The following BRAT1 variants were observed in gnomAD, a reference collection of about 807,000 sequenced individuals.
BRAT1 encodes the protein integrator complex assembly factor BRAT1.
Under a neutral mutation model 70.6 loss-of-function variants are expected in BRAT1, and 74 were observed. The ratio of observed to expected loss-of-function variants is 1.05; its 90% CI spans 0.87 to 1.27. BRAT1 has a LOEUF of 1.27. BRAT1 is among the 50% of genes most tolerant of loss of function. BRAT1 has a pLI of 0.00. For synonymous variants in BRAT1, 615 were observed against 517.1 expected (o/e 1.19, Z -2.57); for missense variants, 1,203 against 1,098.2 (o/e 1.10, Z -1.35).
Position 2,540,216 on chromosome 7 carries a change from T to A in BRAT1, c.1396-328A>T, listed in dbSNP as rs150832524. 2.9e-4 allele frequency: 83 copies of A among 281,376 alleles called. 1 individual carries two copies. The highest frequency in any genetic ancestry group is 1.6e-3 in the African/African-American group (73 of 45,634). 17.4% of individuals were successfully genotyped at this position (281,376 alleles called of 1,614,324 possible). Reference sequence around the variant, plus strand: ...GCAGTCAAATGCTCTACCCCTGAGCTATACTCCTGGGGCTAATTTTTCTAT... The same window carrying A: ...GCAGTCAAATGCTCTACCCCTGAGCAATACTCCTGGGGCTAATTTTTCTAT... On this transcript the variant is annotated intron_variant, in intron 10 of 13. Coordinates refer to ENST00000340611, the MANE Select transcript of BRAT1 (RefSeq NM_152743.4).
Position 2,538,826 on chromosome 7 carries a change from AG to A in BRAT1, c.1771-63del, listed in dbSNP as rs1300627453. ...GTGGCAGGAGCGAGGCTCCCGCAAC[AG>A]GACTCCGGTACATGATGGGGGCTGG... On this transcript the variant is annotated intron_variant, in intron 13 of 13. Coordinates refer to ENST00000340611, the MANE Select transcript of BRAT1 (RefSeq NM_152743.4). 4 of 1,580,650 alleles carry A rather than the reference AG, an allele frequency of 2.5e-6. No homozygotes were observed. In the African/African-American group the frequency reaches 4.0e-5, roughly 16 times the overall value.
chr7:2,538,137 G>A lies in BRAT1; in HGVS notation c.2398C>T (p.Gln800Ter), dbSNP rs1440319524. 6.2e-7 allele frequency: 1 copy of A among 1,606,928 alleles called. No homozygotes were observed. The highest frequency in any genetic ancestry group is 2.2e-5 in the East Asian group (1 of 44,672). The change falls in exon 14 of 14, where the codon CAG becomes TAG. Residue 800 changes from glutamine (Q) to a stop codon, truncating the protein, a stop_gained. Coordinates refer to ENST00000340611, the MANE Select transcript of BRAT1 (RefSeq NM_152743.4). LOFTEE classifies it high-confidence loss of function. ...GCCAGCATGTCCTGCAGGAGGGACT[G>A]GGGACTCTTTTCCACGTGGTCGCTG... is the stretch of plus-strand genomic sequence containing the variant. ...ESSDHVEKSPQSLLQDMLATG... is the reference protein window; with the variant it reads ...ESSDHVEKSP
In BRAT1 at chr7:2,540,968, C is replaced by A; in HGVS notation, c.1395+11G>T. Reference sequence around the variant, plus strand: ...CCCTCCTCTCCTCGCTCTCTATCCCCACCACCGTACCGTGGGGCTGGAGCC... The same window carrying A: ...CCCTCCTCTCCTCGCTCTCTATCCCAACCACCGTACCGTGGGGCTGGAGCC... On this transcript the variant is annotated intron_variant, in intron 10 of 13. Coordinates refer to ENST00000340611, the MANE Select transcript of BRAT1 (RefSeq NM_152743.4). 6.5e-7 allele frequency: 1 copy of A among 1,534,848 alleles called. No homozygotes were observed. The highest frequency in any genetic ancestry group is 8.7e-7 in the Non-Finnish European group (1 of 1,152,202).
intron 4 of BRAT1, 140 bp downstream of exon 4, chr7:2,544,769 A>G (rs1779472919): frequency 7.6e-7 from 1 of 1,317,976 alleles, no homozygotes. Context: ...AACACTGGAC[A>G]GCCGTACTGT....
At position 2,539,325 on chromosome 7, in the gene BRAT1, A is replaced by G. The variant is rs1778957852; in HGVS notation, c.1624T>C (p.Leu542=). 1.2e-6 allele frequency: 2 copies of G among 1,611,406 alleles called. No homozygotes were observed. The highest frequency in any genetic ancestry group is 4.5e-5 in the East Asian group (2 of 44,852). The change falls in exon 13 of 14, where the codon TTG becomes CTG. Residue 542 remains leucine (L), a synonymous_variant. Coordinates refer to ENST00000340611, the MANE Select transcript of BRAT1 (RefSeq NM_152743.4). ...GGQADFRCAL[L]ASEVPQLALQ... ...GCCAGCTGAGGCACCTCTGAAGCCA[A>G]GAGTGCGCATCTGAAGTCAGCCTGT...
rs370935312 is a variant in BRAT1 at position 2,539,269 on chromosome 7, A to G, written c.1680T>C (p.Tyr560=). The G allele has an allele frequency of 2.7e-5, 43 of 1,611,870 alleles. No homozygotes were observed. The highest frequency in any genetic ancestry group is 1.7e-4 in the African/African-American group (13 of 74,896). ...ALQLLQDPES[Y]VRASAVTAMG... is the part of the protein sequence containing the mutation. ...TGGCGGTCACTGCACTCGCTCGGACATAACTCTCAGGGTCCTGGAGGAGCT... is the reference window on the plus strand; with the variant it reads ...TGGCGGTCACTGCACTCGCTCGGACGTAACTCTCAGGGTCCTGGAGGAGCT... Residue 560 remains tyrosine, a synonymous_variant, in exon 13 of 14, where the codon TAT becomes TAC. Transcript: ENST00000340611.
In BRAT1 at chr7:2,541,707, G is replaced by A. The variant is rs765067714; in HGVS notation, c.1134+11C>T. ...TGCTGCTGGGCTGCATGAGGACCGG[G>A]CCGCACCTACCAGCGGCTGCAGCTC... On this transcript the variant is annotated intron_variant, in intron 8 of 13. Coordinates refer to ENST00000340611, the MANE Select transcript of BRAT1 (RefSeq NM_152743.4). 3 of 1,601,388 alleles carry A rather than the reference G, an allele frequency of 1.9e-6. No homozygotes were observed. Among genetic ancestry groups the A allele is most frequent in the Non-Finnish European group, 2.6e-6 (3 of 1,175,642 alleles).
At position 2,543,484 on chromosome 7, in the gene BRAT1, G is replaced by A. The variant is rs564472736; in HGVS notation, c.803+106C>T. 3.0e-5 allele frequency: 45 copies of A among 1,482,518 alleles called. 1 individual carries two copies. The Middle Eastern group carries it at 7.2e-4, about 24-fold the overall frequency. The allele number at this position is 1,482,518 out of a possible 1,614,324, so 91.8% of individuals were successfully genotyped here. A position where few individuals can be genotyped will look rare whatever the true frequency, so the allele number is the denominator to read the frequency against. On this transcript the variant is annotated intron_variant, in intron 5 of 13. Transcript: ENST00000340611. This position sits in a 1 kb window ranked among gnomAD's most constrained non-coding sequence, Gnocchi z 5.5. ...TCACCCCGGTGCCGCTTCACTGCAG[G>A]CCATGTCCTCAGAGAGTCTCCGGCT...
intron 2 of BRAT1, among the ~76,000 whole-genome samples, chr7:2,551,554 G>A (rs1171293309): frequency 6.6e-6 from 1 of 151,098 alleles, no homozygotes; most frequent in Non-Finnish European, 1.5e-5. Context: ...GCTGGGCCTG[G>A]TACACACCTT....
chr7:2,550,531 G>GAA (rs11297774), intron 2 of BRAT1, among the ~76,000 whole-genome samples: 7 of 100,800 alleles, frequency 6.9e-5, no homozygotes, highest in African/African-American at 1.4e-4. Flanking sequence ...TATGTAAAGC[G>GAA]AAAAAAAAAA....
Position 2,538,195 on chromosome 7 carries a change from G to C in BRAT1, c.2340C>G (p.Asp780Glu), listed in dbSNP as rs201045158. The C allele has an allele frequency of 2.6e-4, 415 of 1,610,022 alleles. No homozygotes were observed. The highest frequency in any genetic ancestry group is 2.6e-4 in the Non-Finnish European group (302 of 1,178,302). ...CCAGCGTGCTCCGCAGGCCCTCCAG[G>C]TCTAGGGACCTGAGCATGGCCAGCA... ...EAVLAMLRSL[D>E]LEGLRSTLAE... The change falls in exon 14 of 14, where the codon GAC becomes GAG. Residue 780 changes from aspartate to glutamate, a missense_variant. By Grantham distance (45) the Asp-to-Glu change is conservative (BLOSUM62 2). Coordinates refer to ENST00000340611, the MANE Select transcript of BRAT1 (RefSeq NM_152743.4).
rs1482527048 is a variant in BRAT1 at position 2,543,111 on chromosome 7, G to C, written c.923+93C>G. The C allele has an allele frequency of 9.1e-6, 13 of 1,434,506 alleles. No homozygotes were observed. In the South Asian group the frequency reaches 1.4e-4, roughly 15 times the overall value. The allele number at this position is 1,434,506 out of a possible 1,614,324, so 88.9% of individuals were successfully genotyped here. On this transcript the variant is annotated intron_variant, in intron 6 of 13. Transcript: ENST00000340611. This position sits in a 1 kb window ranked among gnomAD's most constrained non-coding sequence, Gnocchi z 5.5. ...GCCGCCTGACTGTCCCTGGTGTCCG[G>C]AACTCCCCTGCCATGAGGGCTGCGC... is the stretch of plus-strand genomic sequence containing the variant.
intron 11 of BRAT1, 47 bp downstream of exon 11, chr7:2,539,739 A>G (rs1434187256): frequency 1.3e-6 from 2 of 1,565,506 alleles, no homozygotes; most frequent in Admixed American, 1.9e-5. Flanking sequence ...TGCTGCCTCC[A>G]CCCCTGCGAC....
At position 2,539,563 on chromosome 7, in the gene BRAT1, C is replaced by T; in HGVS notation, c.1578G>A (p.Gln526=). ...ACTCACCTCCCCAGTGCCTGCTCAGCTGGGTCAGGAACTCGAGGGCGGAGT... is the reference window on the plus strand; with the variant it reads ...ACTCACCTCCCCAGTGCCTGCTCAGTTGGGTCAGGAACTCGAGGGCGGAGT... The part of the protein sequence containing the change: ...VRDSALEFLT[Q]LSRHWGGQAD... The change falls in exon 12 of 14, where the codon CAG becomes CAA. Residue 526 remains glutamine (Q), a synonymous_variant. Coordinates refer to ENST00000340611, the MANE Select transcript of BRAT1 (RefSeq NM_152743.4). 1 of 1,570,964 alleles carries T rather than the reference C, an allele frequency of 6.4e-7. No homozygotes were observed. Among genetic ancestry groups the T allele is most frequent in the Non-Finnish European group, 8.6e-7 (1 of 1,157,270 alleles).
chr7:2,554,846 GC>G (rs1780297690), intron 1 of BRAT1, among the ~76,000 whole-genome samples: 1 of 152,180 alleles, frequency 6.6e-6, no homozygotes, highest in Non-Finnish European at 1.5e-5. Flanking sequence ...GTCTACCCAT[GC>G]CCCAGGGCCA....
At chr7:2,539,157 T>C in intron 13 of BRAT1, 22 bp downstream of exon 13, 2 of 1,579,152 alleles carry the variant, frequency 1.3e-6, no homozygotes, top group Non-Finnish European at 1.7e-6. Flanking sequence ...AGTTGCTGGC[T>C]GAGGAACCTG....
At position 2,538,112 on chromosome 7, in the gene BRAT1, G is replaced by C. The variant is rs1353790978; in HGVS notation, c.2423C>G (p.Ala808Gly). The C allele has an allele frequency of 1.9e-6, 3 of 1,593,302 alleles. No individual in the cohort carries two copies. The African/African-American group carries it at 4.0e-5, about 21-fold the overall frequency. Residue 808 changes from alanine (A) to glycine (G), a missense_variant, in exon 14 of 14, where the codon GCC (alanine) becomes GGC (glycine). Physicochemically the swap from Ala to Gly is moderately conservative, Grantham distance 60 (BLOSUM62 0). Transcript: ENST00000340611. ...SPQSLLQDMLATGGFLQGDEA... is the reference protein window; with the variant it reads ...SPQSLLQDMLGTGGFLQGDEA... ...GTCCCCCTGCAGGAAGCCTCCCGTG[G>C]CCAGCATGTCCTGCAGGAGGGACTG...
chr7:2,548,920 G>A (rs1211143583), intron 2 of BRAT1, among the ~76,000 whole-genome samples: 2 of 152,028 alleles, frequency 1.3e-5, no homozygotes, highest in African/African-American at 4.8e-5. Context: ...AGCCGAGATC[G>A]CACCACTGCA....
rs775271322 is a variant in BRAT1 at position 2,538,483 on chromosome 7, T to C, written c.2052A>G (p.Pro684=). 86 of 1,611,994 alleles carry C rather than the reference T, an allele frequency of 5.3e-5. No homozygotes were observed. The Admixed American group carries it at 1.4e-3, about 27-fold the overall frequency. ...PYAVALPEVA[P]AQPLTEALRA... ...TCAGTGCCTCGGTGAGTGGCTGGGC[T>C]GGGGCCACCTCGGGTAGGGCCACGG... The change falls in exon 14 of 14, where the codon CCA becomes CCG. Residue 684 remains proline, a synonymous_variant. Transcript: ENST00000340611.
Sources: allele counts gnomAD v4.1 joint callset (sites outside exome capture counted in the v4.1 genomes callset), GRCh38; gene constraint gnomAD v4.1.1; non-coding constraint Gnocchi (gnomAD v3.1); transcripts MANE v1.5; gene names NCBI Gene and HGNC (gene_info 2026-07-23, HGNC 2026-07-21).